RIMS1: variants seen among roughly 807,000 people sequenced by gnomAD.
The protein encoded by RIMS1 is regulating synaptic membrane exocytosis protein 1.
In RIMS1, 83 loss-of-function variants were observed where a neutral mutation model predicts 214.1. The observed-to-expected ratio is 0.39, with a 90% CI of 0.32 to 0.47. The LOEUF is 0.47. RIMS1 is among the 20% of genes least tolerant of loss of function. The probability of loss-of-function intolerance (pLI) is 0.99; values close to 1 mark genes in which losing one functional copy is unlikely to be tolerated. For missense variants in RIMS1, 2,050 were observed against 2,161.8 expected (o/e 0.95, Z 1.03); for synonymous variants, 793 against 786.8 (o/e 1.01, Z -0.13).
At chr6:72,131,442 G>A (rs140194444) in intron 4 of RIMS1, among the ~76,000 whole-genome samples, 1,723 of 152,226 alleles carry the variant, frequency 0.011, 29 homozygotes, top group African/African-American at 0.039. Flanking sequence ...AAAGCTGGGC[G>A]TCCGGGGGAG....
chr6:72,298,529 T>G lies in RIMS1; in HGVS notation c.3850+6483T>G, dbSNP rs569479542. Among the ~76,000 whole-genome samples the G allele has an allele frequency of 2.0e-5, 3 of 152,114 alleles. No individual in the cohort carries two copies. In the South Asian group the frequency reaches 6.2e-4, roughly 31 times the overall value. On this transcript the variant is annotated intron_variant, in intron 26 of 33. Transcript: ENST00000521978. Reference sequence around the variant, plus strand: ...AGACAGCATTTACTGAGTAACTGCTTTGCATGCATCACCACGTAATTATAG... The same window carrying G: ...AGACAGCATTTACTGAGTAACTGCTGTGCATGCATCACCACGTAATTATAG...
intron 26 of RIMS1, 63 bp from the exon 27 acceptor site, chr6:72,307,195 A>T (rs1357837288): frequency 3.3e-5 from 33 of 1,004,444 alleles, no homozygotes; most frequent in Non-Finnish European, 4.9e-5. Flanking sequence ...GAAATCTTAA[A>T]CCATTCAGTT....
intron 4 of RIMS1, among the ~76,000 whole-genome samples, chr6:72,111,788 A>G (rs1260539453): frequency 1.3e-5 from 2 of 152,110 alleles, no homozygotes; most frequent in African/African-American, 4.8e-5. Context: ...CTCCCACTCT[A>G]GCATTCCTAG....
At chr6:72,066,467 GA>G (rs1387872704) in intron 2 of RIMS1, among the ~76,000 whole-genome samples, 1 of 152,134 alleles carries the variant, frequency 6.6e-6, no homozygotes, top group Non-Finnish European at 1.5e-5. Flanking sequence ...ACTGACTGCA[GA>G]TGGATTTATC....
chr6:72,036,892 A>C (rs771087484), intron 2 of RIMS1, among the ~76,000 whole-genome samples: 18 of 152,216 alleles, frequency 1.2e-4, no homozygotes, highest in Non-Finnish European at 2.2e-4. Context: ...AGTGGGAGGT[A>C]TAACCTCCAC....
At chr6:71,903,118 G>A (rs187783015) in intron 1 of RIMS1, among the ~76,000 whole-genome samples, 1 of 152,200 alleles carries the variant, frequency 6.6e-6, no homozygotes, top group East Asian at 1.9e-4. Flanking sequence ...CTTCCACAAT[G>A]GTTGAACTAA....
At chr6:72,103,185 G>A (rs1461924633) in intron 4 of RIMS1, among the ~76,000 whole-genome samples, 1 of 152,068 alleles carries the variant, frequency 6.6e-6, no homozygotes, top group Non-Finnish European at 1.5e-5. Flanking sequence ...CAAGCTGTCT[G>A]GTTTTGCTGA....
Position 72,349,017 on chromosome 6 carries a change from GTGAACAAAGGATCTAC to G in RIMS1, c.4366+15185_4366+15200del, listed in dbSNP as rs533949409. Among the ~76,000 whole-genome samples, 323 of 152,062 alleles carry G rather than the reference GTGAACAAAGGATCTAC, an allele frequency of 2.1e-3. 1 individual carries two copies. The highest frequency in any genetic ancestry group is 7.5e-3 in the African/African-American group (311 of 41,550). On this transcript the variant is annotated intron_variant, in intron 29 of 33. Transcript: ENST00000521978. Reference sequence around the variant, plus strand: ...TTGGGCATAGGGCCAGAGGAGGCTTGTGAACAAAGGATCTACTGTAACTGCTTTTCAAGTAAGCTAG... The same window carrying G: ...TTGGGCATAGGGCCAGAGGAGGCTTGTGTAACTGCTTTTCAAGTAAGCTAG...
chr6:72,299,173 T>C (rs1440628354), intron 26 of RIMS1, among the ~76,000 whole-genome samples: 2 of 151,946 alleles, frequency 1.3e-5, no homozygotes, highest in East Asian at 3.9e-4. Flanking sequence ...TTAAATGACT[T>C]CAAGGTGAGA....
intron 2 of RIMS1, among the ~76,000 whole-genome samples, chr6:72,010,652 G>T (rs1014664583): frequency 2.6e-5 from 4 of 152,084 alleles, no homozygotes; most frequent in African/African-American, 9.7e-5. Context: ...CAAAATCAAT[G>T]TGCAAAAATC....
chr6:71,928,567 C>T (rs1782192760), intron 1 of RIMS1, among the ~76,000 whole-genome samples: 1 of 152,016 alleles, frequency 6.6e-6, no homozygotes, highest in African/African-American at 2.4e-5. Flanking sequence ...TAGAAAAGAA[C>T]ATGTACAAAC....
chr6:72,350,767 A>G (rs1282592125), intron 29 of RIMS1, among the ~76,000 whole-genome samples: 1 of 152,176 alleles, frequency 6.6e-6, no homozygotes, highest in Non-Finnish European at 1.5e-5. Flanking sequence ...GTAGTATATC[A>G]ACAGGCAAAG....
intron 2 of RIMS1, among the ~76,000 whole-genome samples, chr6:71,973,162 C>A (rs1666522568): frequency 1.3e-5 from 2 of 152,204 alleles, no homozygotes; most frequent in Admixed American, 6.5e-5. Context: ...CCCACCTTGG[C>A]CTCCCAAAGT....
In RIMS1 at chr6:72,402,876, C is replaced by T. The variant is rs943784833; in HGVS notation, c.*2162C>T. ...GGGTTCTATGGTGCAAAATGGGAGC[C>T]AGGCCATGGGAAGGGGAGGCTGGGG... On this transcript the variant is annotated 3_prime_UTR_variant, in exon 34 of 34. Transcript: ENST00000521978. 8.5e-5 allele frequency: 13 copies of T among 152,620 alleles called. No homozygotes were observed. Among genetic ancestry groups the T allele is most frequent in the Admixed American group, 7.2e-4 (11 of 15,262 alleles). The allele number at this position is 152,620 out of a possible 1,614,324, so 9.5% of individuals were successfully genotyped here.
At chr6:72,196,681 A>G (rs905627186) in intron 6 of RIMS1, among the ~76,000 whole-genome samples, 32 of 140,194 alleles carry the variant, frequency 2.3e-4, no homozygotes, top group African/African-American at 8.7e-4. Flanking sequence ...TTCTTACTCC[A>G]TGAGACTCCC....
intron 1 of RIMS1, among the ~76,000 whole-genome samples, chr6:71,949,478 C>A (rs927135397): frequency 3.3e-5 from 5 of 152,148 alleles, no homozygotes; most frequent in Non-Finnish European, 5.9e-5. Context: ...CTATAGACCA[C>A]CTCAGATAAT....
At chr6:72,218,169 G>A (rs571464871) in intron 6 of RIMS1, among the ~76,000 whole-genome samples, 11 of 145,920 alleles carry the variant, frequency 7.5e-5, no homozygotes, top group Admixed American at 1.4e-4. Context: ...GAGTAAGTTT[G>A]AGGTGTCCCA....
At chr6:72,250,818 A>T in intron 13 of RIMS1, 103 bp from the exon 14 acceptor site, 1 of 635,416 alleles carries the variant, frequency 1.6e-6, no homozygotes, top group South Asian at 2.5e-5. Context: ...TCCATGAGTT[A>T]TTAGTTAAAA....
intron 2 of RIMS1, among the ~76,000 whole-genome samples, chr6:71,993,228 A>C (rs1334927690): frequency 1.3e-5 from 2 of 152,204 alleles, no homozygotes. Context: ...AAGAGAGAAA[A>C]GAAGACTGTT....
Sources: gnomAD v4.1 joint callset for allele counts (sites outside exome capture counted in the v4.1 genomes callset) on GRCh38, gnomAD v4.1.1 for gene constraint, MANE v1.5 for transcripts, NCBI Gene and HGNC (gene_info 2026-07-23, HGNC 2026-07-21) for gene names.